The following BICC1 variants were observed in gnomAD, a reference collection of about 807,000 sequenced individuals.
BICC1 encodes protein bicaudal C homolog 1.
A neutral mutation model predicts 111.0 loss-of-function variants in BICC1; 43 were observed. The ratio of observed to expected loss-of-function variants is 0.39; its 90% CI spans 0.30 to 0.50. The LOEUF (loss-of-function observed/expected upper bound fraction) is 0.50, where lower values mean the gene tolerates loss of function less well. BICC1 is among the 20% of genes least tolerant of loss of function. The pLI, the probability that BICC1 is intolerant of heterozygous loss-of-function variation, is 0.88. For synonymous variants in BICC1, 467 were observed against 434.4 expected (o/e 1.07, Z -0.93); for missense variants, 1,091 against 1,203.2 (o/e 0.91, Z 1.38).
Position 58,788,428 on chromosome 10 carries a change from CTATT to C in BICC1, c.600+10_600+13del, listed in dbSNP as rs766349799. ...TCTGCCCGAGTTAGAATTCGGGTAA[CTATT>C]TATTACTTTAACATTGTAAATTGAT... On this transcript the variant is annotated splice_donor_region_variant and intron_variant, in intron 6 of 20. Coordinates refer to ENST00000373886, the MANE Select transcript of BICC1 (RefSeq NM_001080512.3). 3 of 1,596,626 alleles carry C rather than the reference CTATT, an allele frequency of 1.9e-6. No individual in the cohort carries two copies. In the African/African-American group the frequency reaches 4.0e-5, roughly 21 times the overall value.
chr10:58,676,980 A>G (rs1839364816), intron 2 of BICC1, among the ~76,000 whole-genome samples: 1 of 152,178 alleles, frequency 6.6e-6, no homozygotes, highest in Non-Finnish European at 1.5e-5. Context: ...AAGGAAAACT[A>G]ACAAATAGAA....
chr10:58,689,160 C>G (rs1448326629), intron 2 of BICC1, among the ~76,000 whole-genome samples: 1 of 152,204 alleles, frequency 6.6e-6, no homozygotes, highest in Non-Finnish European at 1.5e-5. Flanking sequence ...TTTTCTGACT[C>G]TGTCTTTCAC....
At chr10:58,585,340 A>G (rs906475635) in intron 1 of BICC1, among the ~76,000 whole-genome samples, 1 of 152,196 alleles carries the variant, frequency 6.6e-6, no homozygotes, top group African/African-American at 2.4e-5. Flanking sequence ...GGTGCTGGTC[A>G]CTTTTGAACA....
chr10:58,723,473 T>A (rs1841002414), intron 3 of BICC1, among the ~76,000 whole-genome samples: 1 of 152,156 alleles, frequency 6.6e-6, no homozygotes, highest in African/African-American at 2.4e-5. Flanking sequence ...TTAGGATAGT[T>A]CTATGCCTTT....
intron 15 of BICC1, among the ~76,000 whole-genome samples, chr10:58,803,800 T>C (rs921599407): frequency 6.6e-6 from 1 of 152,214 alleles, no homozygotes. Flanking sequence ...CAATAGGAAC[T>C]TTCTGTGTTT....
At chr10:58,648,788 C>T (rs1378156570) in intron 2 of BICC1, 2 of 444,894 alleles carry the variant, frequency 4.5e-6, no homozygotes, top group East Asian at 1.6e-4. Flanking sequence ...TTTCTCTTTC[C>T]TTTCTGCTTT....
At position 58,535,506 on chromosome 10, in the gene BICC1, C is replaced by T. The variant is rs530584119; in HGVS notation, c.190+22173C>T. Among the ~76,000 whole-genome samples, 8 of 151,820 alleles carry T rather than the reference C, an allele frequency of 5.3e-5. No homozygotes were observed. In the East Asian group the frequency reaches 1.4e-3, roughly 26 times the overall value. ...AGTTTCATAAATGAAGGAGAAATAACGTCTTTCTCAGACAAGCAAATGCTG... is the reference window on the plus strand; with the variant it reads ...AGTTTCATAAATGAAGGAGAAATAATGTCTTTCTCAGACAAGCAAATGCTG... On this transcript the variant is annotated intron_variant, in intron 1 of 20. Coordinates refer to ENST00000373886, the MANE Select transcript of BICC1 (RefSeq NM_001080512.3).
At chr10:58,625,896 C>T (rs958068690) in intron 2 of BICC1, among the ~76,000 whole-genome samples, 11 of 152,076 alleles carry the variant, frequency 7.2e-5, no homozygotes, top group South Asian at 6.2e-4. Context: ...TTTTATATTT[C>T]GAGTGGGTTA....
chr10:58,540,340 T>G (rs1842928636), intron 1 of BICC1, among the ~76,000 whole-genome samples: 1 of 151,068 alleles, frequency 6.6e-6, no homozygotes, highest in Non-Finnish European at 1.5e-5. Flanking sequence ...AGTTGGTTTC[T>G]TAAAAAGATC....
chr10:58,549,766 A>G (rs901924565), intron 1 of BICC1, among the ~76,000 whole-genome samples: 6 of 146,562 alleles, frequency 4.1e-5, no homozygotes, highest in African/African-American at 1.3e-4. Context: ...GCTCACTGCA[A>G]CCTCCGCTTC....
chr10:58,592,536 C>T (rs1027474428), intron 1 of BICC1, among the ~76,000 whole-genome samples: 1 of 134,572 alleles, frequency 7.4e-6, no homozygotes, highest in Non-Finnish European at 1.6e-5. Context: ...CACGGTGAAA[C>T]CCCGTCTCTA....
At chr10:58,741,811 G>C (rs760928309) in intron 3 of BICC1, among the ~76,000 whole-genome samples, 1 of 152,272 alleles carries the variant, frequency 6.6e-6, no homozygotes, top group African/African-American at 2.4e-5. Context: ...CCTAGGAGAC[G>C]AGACGAGTCA....
In BICC1 at chr10:58,799,067, A is replaced by C. The variant is rs199789205; in HGVS notation, c.1540A>C (p.Ile514Leu). Reference sequence around the variant, plus strand: ...AAATGTTGTTGTAGGTTTTTCTGCTATACCACACCTTATGATTCCATCTAC... The same window carrying C: ...AAATGTTGTTGTAGGTTTTTCTGCTCTACCACACCTTATGATTCCATCTAC... ...NTSSATGFSA[I>L]PHLMIPSTAQ... Residue 514 changes from isoleucine (I) to leucine (L), a missense_variant, in exon 12 of 21, where the codon ATA (isoleucine) becomes CTA (leucine). Ile to Leu is a conservative substitution (Grantham distance 5). Coordinates refer to ENST00000373886, the MANE Select transcript of BICC1 (RefSeq NM_001080512.3). 34 of 1,607,972 alleles carry C rather than the reference A, an allele frequency of 2.1e-5. No individual in the cohort carries two copies. Among genetic ancestry groups the C allele is most frequent in the Non-Finnish European group, 2.7e-5 (32 of 1,175,804 alleles).
intron 1 of BICC1, among the ~76,000 whole-genome samples, chr10:58,562,652 C>T (rs888008616): frequency 1.3e-5 from 2 of 151,908 alleles, no homozygotes; most frequent in Non-Finnish European, 2.9e-5. Flanking sequence ...GAATAGTTTT[C>T]CTTTGGAGGT....
At chr10:58,671,572 T>C (rs552006531) in intron 2 of BICC1, among the ~76,000 whole-genome samples, 2 of 152,270 alleles carry the variant, frequency 1.3e-5, no homozygotes, top group South Asian at 4.1e-4. Context: ...AGTGTCCATG[T>C]GTCCAGCTAA....
At chr10:58,709,715 C>G (rs1840513301) in intron 3 of BICC1, among the ~76,000 whole-genome samples, 1 of 152,226 alleles carries the variant, frequency 6.6e-6, no homozygotes, top group Admixed American at 6.5e-5. Context: ...AAATTATCCA[C>G]TACTGATATC....
chr10:58,563,262 G>A (rs1305120213), intron 1 of BICC1, among the ~76,000 whole-genome samples: 3 of 152,110 alleles, frequency 2.0e-5, no homozygotes, highest in Non-Finnish European at 4.4e-5. Flanking sequence ...GGGTCCTGGG[G>A]GTTGCGGGGG....
At chr10:58,695,443 G>C (rs897176386) in intron 2 of BICC1, among the ~76,000 whole-genome samples, 2 of 152,190 alleles carry the variant, frequency 1.3e-5, no homozygotes, top group Non-Finnish European at 2.9e-5. Flanking sequence ...TGGTCTTTTA[G>C]AGAAACAGGC....
chr10:58,639,057 A>G (rs2132204882), intron 2 of BICC1, among the ~76,000 whole-genome samples: 1 of 152,196 alleles, frequency 6.6e-6, no homozygotes, highest in Middle Eastern at 3.4e-3. Flanking sequence ...CGTATGCATT[A>G]CTTCATATAA....
Sources: allele counts gnomAD v4.1 joint callset (sites outside exome capture counted in the v4.1 genomes callset), GRCh38; gene constraint gnomAD v4.1.1; transcripts MANE v1.5; gene names NCBI Gene and HGNC (gene_info 2026-07-23, HGNC 2026-07-21).